CLDN1: variants seen among roughly 807,000 people sequenced by gnomAD.
CLDN1 encodes claudin-1.
Under a neutral mutation model 22.6 loss-of-function variants are expected in CLDN1, and 12 were observed. The ratio of observed to expected loss-of-function variants is 0.53; its 90% CI spans 0.34 to 0.86. CLDN1 has a LOEUF of 0.86. Among genes scored for constraint, CLDN1 ranks in the 40% least tolerant of loss-of-function variants. The pLI is 0.02. For missense variants in CLDN1, 250 were observed against 269.5 expected (o/e 0.93, Z 0.51); for synonymous variants, 99 against 103.8 (o/e 0.95, Z 0.28).
intron 1 of CLDN1, among the ~76,000 whole-genome samples, chr3:190,317,590 T>A (rs1201538734): frequency 6.6e-6 from 1 of 152,224 alleles, no homozygotes; most frequent in African/African-American, 2.4e-5. Flanking sequence ...TACCAGACAT[T>A]GTTTATGCTA....
chr3:190,310,342 G>A (rs1460296742), intron 2 of CLDN1, 89 bp from the exon 3 acceptor site: 2 of 950,976 alleles, frequency 2.1e-6, no homozygotes, highest in Non-Finnish European at 3.4e-6. Context: ...TATTTTGCAA[G>A]AATTAAATCT....
intron 3 of CLDN1, among the ~76,000 whole-genome samples, 180 bp from the exon 4 acceptor site, chr3:190,308,619 A>G (rs555514681): frequency 2.2e-4 from 33 of 152,278 alleles, no homozygotes; most frequent in Non-Finnish European, 1.8e-4. Context: ...TTATATTGCA[A>G]TTGGTGACAA....
At position 190,308,067 on chromosome 3, in the gene CLDN1, C is replaced by A; in HGVS notation, c.*210G>T. 1.9e-6 allele frequency: 1 copy of A among 538,162 alleles called. No homozygotes were observed. Among genetic ancestry groups the A allele is most frequent in the Non-Finnish European group, 3.3e-6 (1 of 306,876 alleles). 33.3% of individuals were successfully genotyped at this position (538,162 alleles called of 1,614,324 possible). On this transcript the variant is annotated 3_prime_UTR_variant, in exon 4 of 4. Transcript: ENST00000295522. ...CAGTAATACAAATGGAAAAATCTTC[C>A]CTCCTATATTGAGGAAAGAAGATAA...
rs2204226 is a variant in CLDN1, at chr3:190,306,399, G to A, written c.*1878C>T. 100,242 of 151,988 alleles carry A rather than the reference G, an allele frequency of 0.66. 34,029 individuals are homozygous for A. Among genetic ancestry groups the A allele is most frequent in the African/African-American group, 0.82 (34,001 of 41,502 alleles). The allele number at this position is 151,988 out of a possible 1,614,324, so 9.4% of individuals were successfully genotyped here. A position where few individuals can be genotyped will look rare whatever the true frequency, so the allele number is the denominator to read the frequency against. On this transcript the variant is annotated 3_prime_UTR_variant, in exon 4 of 4. Coordinates refer to ENST00000295522, the MANE Select transcript of CLDN1 (RefSeq NM_021101.5). ...AAACCCATTTCTTAACATTTTTTTT[G>A]TTTTCAAACATTTGAAAAGCAACAC...
At position 190,322,035 on chromosome 3, in the gene CLDN1, T is replaced by C. The variant is rs1393518010; in HGVS notation, c.172A>G (p.Ser58Gly). ...ACTTTGCACTGGATCTGCCCGGTGC[T>C]CTGCGACACGCAGGACATCCACAGC... The part of the protein sequence containing the change: ...EGLWMSCVSQ[S>G]TGQIQCKVFD... Residue 58 changes from serine to glycine, a missense_variant, in exon 1 of 4, where the codon AGC becomes GGC. Ser to Gly is a moderately conservative substitution (Grantham distance 56). Coordinates refer to ENST00000295522, the MANE Select transcript of CLDN1 (RefSeq NM_021101.5). 2 of 1,614,096 alleles carry C rather than the reference T, an allele frequency of 1.2e-6. No homozygotes were observed. Among genetic ancestry groups the C allele is most frequent in the Non-Finnish European group, 1.7e-6 (2 of 1,180,048 alleles).
chr3:190,322,302 C>T lies in CLDN1; in HGVS notation c.-96G>A, dbSNP rs548075693. On this transcript the variant is annotated 5_prime_UTR_variant, in exon 1 of 4. Coordinates refer to ENST00000295522, the MANE Select transcript of CLDN1 (RefSeq NM_021101.5). ...CCCGGACTCCCGAAGGTGGCTGGGC[C>T]CCGCGGAGGAAGTTAAGGCGGGGAG... The T allele has an allele frequency of 1.7e-4, 193 of 1,118,460 alleles. No homozygotes were observed. The East Asian group carries it at 3.7e-3, about 21-fold the overall frequency. 69.3% of individuals were successfully genotyped at this position (1,118,460 alleles called of 1,614,324 possible).
chr3:190,320,751 T>TA (rs1716895775), intron 1 of CLDN1, among the ~76,000 whole-genome samples: 1 of 152,122 alleles, frequency 6.6e-6, no homozygotes, highest in African/African-American at 2.4e-5. Context: ...TTTTCACCCT[T>TA]AGCATGCAAT....
chr3:190,313,809 AT>A (rs1385278275), intron 1 of CLDN1, among the ~76,000 whole-genome samples: 1 of 152,134 alleles, frequency 6.6e-6, no homozygotes, highest in Non-Finnish European at 1.5e-5. Flanking sequence ...TCCCATCATT[AT>A]TTTTGGTGTA....
At chr3:190,314,358 T>C (rs1716706396) in intron 1 of CLDN1, among the ~76,000 whole-genome samples, 1 of 152,186 alleles carries the variant, frequency 6.6e-6, no homozygotes, top group Admixed American at 6.5e-5. Context: ...CTGTCTTTGC[T>C]ATAACCAGGC....
Position 190,316,143 on chromosome 3 carries a change from T to C in CLDN1, c.224-3107A>G, listed in dbSNP as rs116094846. On this transcript the variant is annotated intron_variant, in intron 1 of 3. Coordinates refer to ENST00000295522, the MANE Select transcript of CLDN1 (RefSeq NM_021101.5). Reference sequence around the variant, plus strand: ...CATTTCTCTATAGAATAATATATTATTTGCATAATACACAAAAAGTAATGG... The same window carrying C: ...CATTTCTCTATAGAATAATATATTACTTGCATAATACACAAAAAGTAATGG... Among the ~76,000 whole-genome samples, 1,238 of 152,296 alleles carry C rather than the reference T, an allele frequency of 8.1e-3. 16 individuals are homozygous for C. Among genetic ancestry groups the C allele is most frequent in the African/African-American group, 0.028 (1,178 of 41,544 alleles).
In CLDN1 at chr3:190,307,270, A is replaced by C. The variant is rs1362600210; in HGVS notation, c.*1007T>G. The C allele has an allele frequency of 6.6e-6, 1 of 152,270 alleles. No homozygotes were observed. Among genetic ancestry groups the C allele is most frequent in the African/African-American group, 2.4e-5 (1 of 41,468 alleles). The allele number at this position is 152,270 out of a possible 1,614,324, so 9.4% of individuals were successfully genotyped here. ...ACAGACCACACCTTATTAGGAAGAT[A>C]TAAAACGCATGATAATTACACTTGG... On this transcript the variant is annotated 3_prime_UTR_variant, in exon 4 of 4. Coordinates refer to ENST00000295522, the MANE Select transcript of CLDN1 (RefSeq NM_021101.5).
intron 1 of CLDN1, among the ~76,000 whole-genome samples, chr3:190,320,911 T>C (rs1462764585): frequency 6.6e-6 from 1 of 152,154 alleles, no homozygotes; most frequent in Non-Finnish European, 1.5e-5. Flanking sequence ...ATTATCTAAG[T>C]AAATGGGAAT....
chr3:190,312,106 T>C (rs994754662), intron 2 of CLDN1, among the ~76,000 whole-genome samples: 1 of 151,524 alleles, frequency 6.6e-6, no homozygotes, highest in Non-Finnish European at 1.5e-5. Flanking sequence ...AATTTTTGTG[T>C]TTTCAGTAGA....
chr3:190,316,000 A>G (rs1445688458), intron 1 of CLDN1, among the ~76,000 whole-genome samples: 2 of 152,208 alleles, frequency 1.3e-5, no homozygotes, highest in East Asian at 3.9e-4. Flanking sequence ...TAAGTTCTCA[A>G]AGAAAACACA....
In CLDN1 at chr3:190,310,164, G is replaced by T. The variant is rs377184401; in HGVS notation, c.473+5C>A. ...ACAAACTATTTTACGCCTGAATAGC[G>T]TTACCTGGCATTGACTGGGGTCATA... On this transcript the variant is annotated splice_donor_5th_base_variant and intron_variant, in intron 3 of 3. Coordinates refer to ENST00000295522, the MANE Select transcript of CLDN1 (RefSeq NM_021101.5). 3 of 1,611,504 alleles carry T rather than the reference G, an allele frequency of 1.9e-6. No individual in the cohort carries two copies. Among genetic ancestry groups the T allele is most frequent in the Non-Finnish European group, 2.5e-6 (3 of 1,177,708 alleles).
intron 1 of CLDN1, among the ~76,000 whole-genome samples, chr3:190,316,504 A>AAGTAAGC (rs1411509228): frequency 6.6e-6 from 1 of 152,240 alleles, no homozygotes; most frequent in East Asian, 1.9e-4. Context: ...TTACCAGTCA[A>AAGTAAGC]AGTAAGCAAC....
rs1716661669 is a variant in CLDN1, at chr3:190,312,887, T to G, written c.373A>C (p.Ile125Leu). Residue 125 changes from isoleucine (I) to leucine (L), a missense_variant, in exon 2 of 4, where the codon ATA becomes CTA. Coordinates refer to ENST00000295522, the MANE Select transcript of CLDN1 (RefSeq NM_021101.5). ...CCTCTATTACCTGCAAGAAGAAATA[T>G]CGCACCCCCAATGACAGCCATCCTC... ...KMRMAVIGGA[I>L]FLLAGLAILV... 1 of 1,614,084 alleles carries G rather than the reference T, an allele frequency of 6.2e-7. No homozygotes were observed. The highest frequency in any genetic ancestry group is 2.2e-5 in the East Asian group (1 of 44,868).
rs554441770 is a variant in CLDN1 at position 190,307,047 on chromosome 3, A to G, written c.*1230T>C. On this transcript the variant is annotated 3_prime_UTR_variant, in exon 4 of 4. Transcript: ENST00000295522. The stretch of plus-strand genomic sequence containing the variant: ...GAGCAAATAAAGACACTACATAGGC[A>G]TAGTTCATGTTCAAAGAATGAGAGT... 39 of 152,810 alleles carry G rather than the reference A, an allele frequency of 2.6e-4. No homozygotes were observed. Among genetic ancestry groups the G allele is most frequent in the African/African-American group, 9.4e-4 (39 of 41,586 alleles). The allele number at this position is 152,810 out of a possible 1,614,324, so 9.5% of individuals were successfully genotyped here.
intron 2 of CLDN1, among the ~76,000 whole-genome samples, chr3:190,312,227 G>A (rs539821323): frequency 1.3e-5 from 2 of 151,412 alleles, no homozygotes; most frequent in East Asian, 3.9e-4. Flanking sequence ...CACCACACCT[G>A]GCCTAAAAAA....
Sources: allele counts gnomAD v4.1 joint callset (sites outside exome capture counted in the v4.1 genomes callset), GRCh38; gene constraint gnomAD v4.1.1; transcripts MANE v1.5; gene names NCBI Gene and HGNC (gene_info 2026-07-23, HGNC 2026-07-21).